Variants in TRIM2 observed in about 807,000 individuals in gnomAD.
TRIM2 encodes tripartite motif containing 2, also known as tripartite motif-containing protein 2.
A neutral mutation model predicts 75.2 loss-of-function variants in TRIM2; 20 were observed. The observed-to-expected ratio is 0.27, with a 90% CI of 0.19 to 0.39. The LOEUF (loss-of-function observed/expected upper bound fraction) is 0.39. TRIM2 is among the 10% of genes least tolerant of loss of function. The pLI is 1.00. For missense variants in TRIM2, 660 were observed against 990.8 expected, an observed-to-expected ratio of 0.67 and a Z score of 4.48; for synonymous variants, 373 against 388.3, an observed-to-expected ratio of 0.96 and a Z score of 0.46.
chr4:153,315,722 T>C (rs752928294), intron 7 of TRIM2, 110 bp from the exon 8 acceptor site: 45 of 1,475,174 alleles, frequency 3.1e-5, no homozygotes, highest in Non-Finnish European at 4.0e-5. Context: ...TTTCTTCAAA[T>C]AGAGTTTGCG....
rs1038789074 is a variant in TRIM2 at position 153,335,763 on chromosome 4, A to G, written c.*797A>G. 3.0e-6 allele frequency: 3 copies of G among 985,700 alleles called. No individual in the cohort carries two copies. The highest frequency in any genetic ancestry group is 4.7e-5 in the South Asian group (1 of 21,294). 61.1% of individuals were successfully genotyped at this position (985,700 alleles called of 1,614,324 possible). A position where few individuals can be genotyped will look rare whatever the true frequency, so the allele number is the denominator to read the frequency against. On this transcript the variant is annotated 3_prime_UTR_variant, in exon 12 of 12. Coordinates refer to ENST00000338700, the MANE Select transcript of TRIM2 (RefSeq NM_015271.5). ...TGCCCCGTTAACTCCAGATCATTGC[A>G]CTGGAATGTAATCAAGAAAGTTAGT... is the stretch of plus-strand genomic sequence containing the variant.
intron 1 of TRIM2, among the ~76,000 whole-genome samples, chr4:153,188,494 A>G (rs1044254142): frequency 1.3e-5 from 2 of 152,166 alleles, no homozygotes; most frequent in Admixed American, 1.3e-4. Flanking sequence ...AACAAAAGCA[A>G]AAAACTGATG....
At position 153,295,083 on chromosome 4, in the gene TRIM2, A is replaced by C. The variant is rs1420584745; in HGVS notation, c.787-230A>C. 1.3e-5 allele frequency among the ~76,000 whole-genome samples: 2 copies of C among 152,238 alleles called. No individual in the cohort carries two copies. The highest frequency in any genetic ancestry group is 2.4e-5 in the African/African-American group (1 of 41,470). ...CCTCTCCAAAACACATGAGCCAAGA[A>C]ATACATGTGTGGAAGAGAGGGCGAG... is the stretch of plus-strand genomic sequence containing the variant. On this transcript the variant is annotated intron_variant, in intron 5 of 11. Transcript: ENST00000338700. This position sits in a 1 kb window ranked among gnomAD's most constrained non-coding sequence, Gnocchi z 7.2.
chr4:153,287,140 G>A (rs1246770214), intron 3 of TRIM2, among the ~76,000 whole-genome samples: 1 of 152,004 alleles, frequency 6.6e-6, no homozygotes, highest in Non-Finnish European at 1.5e-5. Flanking sequence ...ACTATGCTCA[G>A]CTAATTTTTG....
intron 1 of TRIM2, among the ~76,000 whole-genome samples, chr4:153,159,296 C>CTTTTTTTTTTTTT (rs11318531): frequency 5.6e-5 from 5 of 89,158 alleles, no homozygotes; most frequent in East Asian, 3.9e-4. Flanking sequence ...TTTACAAAAT[C>CTTTTTTTTTTTTT]TTTTTTTTTT....
intron 1 of TRIM2, among the ~76,000 whole-genome samples, chr4:153,249,197 G>T (rs1194623208): frequency 1.3e-5 from 2 of 152,400 alleles, no homozygotes; most frequent in South Asian, 2.1e-4. Flanking sequence ...CCTAGAGGGG[G>T]TGGGGGAAAG....
chr4:153,215,880 A>G (rs946993500), intron 1 of TRIM2, among the ~76,000 whole-genome samples: 5 of 152,098 alleles, frequency 3.3e-5, no homozygotes, highest in African/African-American at 1.2e-4. Context: ...TTGTTTTTTC[A>G]TCTGTAATTT....
chr4:153,258,590 G>C (rs1193509068), intron 1 of TRIM2, among the ~76,000 whole-genome samples: 1 of 152,102 alleles, frequency 6.6e-6, no homozygotes, highest in African/African-American at 2.4e-5. Context: ...TTAATAAATG[G>C]ATTTCTGAAC....
intron 11 of TRIM2, among the ~76,000 whole-genome samples, chr4:153,330,989 T>G (rs945600143): frequency 6.6e-5 from 10 of 152,086 alleles, no homozygotes; most frequent in Admixed American, 5.2e-4. Context: ...CTAGAATAGG[T>G]GAGTTCAGCA....
intron 3 of TRIM2, among the ~76,000 whole-genome samples, chr4:153,288,620 G>T (rs1403398415): frequency 2.0e-5 from 3 of 151,326 alleles, no homozygotes; most frequent in Admixed American, 6.6e-5. Flanking sequence ...GTGTAGATTT[G>T]TGTCTTTTAT....
chr4:153,253,063 C>T (rs1416645005), intron 1 of TRIM2, among the ~76,000 whole-genome samples: 3 of 152,178 alleles, frequency 2.0e-5, no homozygotes, highest in African/African-American at 7.2e-5. Flanking sequence ...CTGTGGAGTA[C>T]ACAGGAGTGG....
At chr4:153,287,438 A>G (rs1316913627) in intron 3 of TRIM2, among the ~76,000 whole-genome samples, 4 of 152,206 alleles carry the variant, frequency 2.6e-5, no homozygotes, top group African/African-American at 9.6e-5. Flanking sequence ...TACTGAAAAG[A>G]AAGGCTTTCT....
intron 10 of TRIM2, 77 bp from the exon 11 acceptor site, chr4:153,328,453 T>C (rs1252075604): frequency 5.3e-6 from 7 of 1,327,498 alleles, no homozygotes; most frequent in Middle Eastern, 1.9e-4. Context: ...CCTGCTCAAA[T>C]AGATATTTTT....
At chr4:153,250,831 A>G (rs556863375) in intron 1 of TRIM2, among the ~76,000 whole-genome samples, 3 of 152,320 alleles carry the variant, frequency 2.0e-5, no homozygotes, top group African/African-American at 7.2e-5. Flanking sequence ...GCAAAGGGCT[A>G]TCCTGATCCT....
At chr4:153,286,989 C>G (rs1368736260) in intron 3 of TRIM2, among the ~76,000 whole-genome samples, 2 of 151,214 alleles carry the variant, frequency 1.3e-5, no homozygotes, top group African/African-American at 4.9e-5. Context: ...TTCTCTCTCT[C>G]TTTTTTTAAG....
chr4:153,267,050 T>A (rs913014925), intron 1 of TRIM2: 1 of 142,838 alleles, frequency 7.0e-6, no homozygotes, highest in African/African-American at 2.4e-5. Flanking sequence ...CACGCTTTTT[T>A]AAAATTTGGT....
At chr4:153,221,043 T>C (rs1739819463) in intron 1 of TRIM2, among the ~76,000 whole-genome samples, 1 of 152,224 alleles carries the variant, frequency 6.6e-6, no homozygotes, top group Non-Finnish European at 1.5e-5. Flanking sequence ...TGCATTCAAA[T>C]GTTCATAGCA....
chr4:153,257,182 T>C (rs374343676), intron 1 of TRIM2, among the ~76,000 whole-genome samples: 3 of 152,218 alleles, frequency 2.0e-5, no homozygotes, highest in East Asian at 1.9e-4. Context: ...CCCGGCTGCG[T>C]TGCACGGAGA....
At chr4:153,235,256 A>T (rs553233736) in intron 1 of TRIM2, among the ~76,000 whole-genome samples, 20 of 152,190 alleles carry the variant, frequency 1.3e-4, no homozygotes, top group African/African-American at 4.8e-4. Flanking sequence ...GTAAAATGGG[A>T]AAAGCTGTGC....
Sources: gnomAD v4.1 joint callset for allele counts (sites outside exome capture counted in the v4.1 genomes callset) on GRCh38, gnomAD v4.1.1 for gene constraint, Gnocchi (gnomAD v3.1) non-coding constraint, MANE v1.5 for transcripts, NCBI Gene and HGNC (gene_info 2026-07-23, HGNC 2026-07-21) for gene names.